Variants in EDN1 observed in about 807,000 individuals in gnomAD.
EDN1 encodes endothelin 1.
Under a neutral mutation model 21.7 loss-of-function variants are expected in EDN1, and 11 were observed. The observed-to-expected ratio is 0.51, with a 90% confidence interval of 0.32 to 0.84. EDN1 has a LOEUF of 0.84. Among genes scored for constraint, EDN1 ranks in the 40% least tolerant of loss-of-function variants. The probability of loss-of-function intolerance (pLI) is 0.03; values close to 1 mark genes in which losing one functional copy is unlikely to be tolerated. For synonymous variants in EDN1, 85 were observed against 90.6 expected, an observed-to-expected ratio of 0.94 and a Z score of 0.35; for missense variants, 244 against 262.3, an observed-to-expected ratio of 0.93 and a Z score of 0.48.
At chr6:12,246,805 G>A in the EDN1 span, among the ~76,000 whole-genome samples, 7 of 152,168 alleles carry the variant, frequency 4.6e-5, no homozygotes, top group African/African-American at 1.2e-4. Flanking sequence ...ACTCTCATCC[G>A]TTAGTCCAGT....
At chr6:12,258,449 C>CAAAAAAAAAAAAAAAA in the EDN1 span, among the ~76,000 whole-genome samples, 15 of 63,672 alleles carry the variant, frequency 2.4e-4, 4 homozygotes, top group African/African-American at 6.4e-4. Context: ...GATCATGTCT[C>CAAAAAAAAAAAAAAAA]AAAAAAAAAA....
At chr6:12,237,602 C>T in the EDN1 span, among the ~76,000 whole-genome samples, 1 of 152,164 alleles carries the variant, frequency 6.6e-6, no homozygotes, top group African/African-American at 2.4e-5. Flanking sequence ...TGTCTTTCCT[C>T]ATAATCTGCT....
the EDN1 span, among the ~76,000 whole-genome samples, chr6:12,281,373 C>T: frequency 2.0e-5 from 3 of 152,074 alleles, no homozygotes; most frequent in Non-Finnish European, 4.4e-5. Flanking sequence ...CTTTGTGTAG[C>T]TCTCTGTATA....
the EDN1 span, among the ~76,000 whole-genome samples, chr6:12,273,221 GC>G: frequency 5.9e-4 from 90 of 152,314 alleles, no homozygotes; most frequent in Non-Finnish European, 6.3e-4. Context: ...GAGAGTGGGG[GC>G]TAGGCCAGCA....
the EDN1 span, among the ~76,000 whole-genome samples, chr6:12,232,025 T>A: frequency 6.7e-6 from 1 of 150,140 alleles, no homozygotes; most frequent in African/African-American, 2.4e-5. Flanking sequence ...GTTGACATTT[T>A]CCTAAGAGAT....
chr6:12,241,624 T>C, the EDN1 span, among the ~76,000 whole-genome samples: 3 of 152,206 alleles, frequency 2.0e-5, no homozygotes, highest in African/African-American at 4.8e-5. Flanking sequence ...CCCATTGCTC[T>C]ATGGTAAGTG....
the EDN1 span, among the ~76,000 whole-genome samples, chr6:12,280,646 G>C: frequency 6.6e-6 from 1 of 152,170 alleles, no homozygotes; most frequent in South Asian, 2.1e-4. Context: ...TGTAATCCCA[G>C]CATTTTTGGA....
chr6:12,287,692 TCTCTCTCTCTCTCTCTCTCTCACACA>T (rs1762577337), upstream of EDN1, among the ~76,000 whole-genome samples: 1 of 66,840 alleles, frequency 1.5e-5, no homozygotes, highest in South Asian at 5.2e-4. Context: ...TCTCTCCCTC[TCTCTCTCTCTCTCTCTCTCTCACACA>T]CACACACACA....
At chr6:12,246,660 T>TTC in the EDN1 span, among the ~76,000 whole-genome samples, 8 of 115,044 alleles carry the variant, frequency 7.0e-5, no homozygotes, top group East Asian at 1.8e-3. Context: ...CCTTTTTTTT[T>TTC]CTCCCTCGAT....
chr6:12,275,387 C>CTGGTTACACATAT, the EDN1 span, among the ~76,000 whole-genome samples: 1 of 152,158 alleles, frequency 6.6e-6, no homozygotes, highest in Non-Finnish European at 1.5e-5. Flanking sequence ...GAGGCTTGGC[C>CTGGTTACACATAT]TGGTTACACA....
At chr6:12,274,791 G>T in the EDN1 span, among the ~76,000 whole-genome samples, 1 of 152,242 alleles carries the variant, frequency 6.6e-6, no homozygotes, top group African/African-American at 2.4e-5. Context: ...TAGCTAGCAA[G>T]TGTCAGATGT....
chr6:12,265,913 C>A, the EDN1 span, among the ~76,000 whole-genome samples: 1 of 152,202 alleles, frequency 6.6e-6, no homozygotes, highest in Non-Finnish European at 1.5e-5. Context: ...TGGTGCAAGG[C>A]TACCCTGGTT....
the EDN1 span, among the ~76,000 whole-genome samples, chr6:12,247,856 T>C: frequency 6.6e-6 from 1 of 152,098 alleles, no homozygotes; most frequent in African/African-American, 2.4e-5. Flanking sequence ...ATGATTTCTA[T>C]TTACATCCTT....
At chr6:12,232,156 TTATAA>T in the EDN1 span, among the ~76,000 whole-genome samples, 11 of 134,016 alleles carry the variant, frequency 8.2e-5, no homozygotes, top group Admixed American at 2.3e-4. Flanking sequence ...GTGTTTATAT[TTATAA>T]TATAATATAA....
chr6:12,290,944 T>G (rs10478698), intron 1 of EDN1, among the ~76,000 whole-genome samples: 3,723 of 152,286 alleles, frequency 0.024, 84 homozygotes, highest in East Asian at 0.11. Context: ...TTATTATTAT[T>G]ATTCCATTAT....
upstream of EDN1, among the ~76,000 whole-genome samples, chr6:12,289,444 G>GT (rs1247960632): frequency 1.3e-5 from 2 of 151,952 alleles, no homozygotes; most frequent in Non-Finnish European, 2.9e-5. Flanking sequence ...GCCAGGTTGC[G>GT]TTTTTTTCTG....
chr6:12,252,334 G>T, the EDN1 span, among the ~76,000 whole-genome samples: 1 of 152,120 alleles, frequency 6.6e-6, no homozygotes, highest in Non-Finnish European at 1.5e-5. Flanking sequence ...ATAAAGAAAA[G>T]AACAAAACTG....
chr6:12,280,339 T>G, the EDN1 span, among the ~76,000 whole-genome samples: 3 of 152,232 alleles, frequency 2.0e-5, no homozygotes, highest in Non-Finnish European at 4.4e-5. Flanking sequence ...AAAGAAAATT[T>G]CTTCCTGTAT....
Position 12,296,500 on chromosome 6 carries a change from C to A in EDN1, c.*433C>A. 1 of 159,322 alleles carries A rather than the reference C, an allele frequency of 6.3e-6. No homozygotes were observed. The highest frequency in any genetic ancestry group is 1.4e-5 in the Non-Finnish European group (1 of 71,820). The allele number at this position is 159,322 out of a possible 1,614,324, so 9.9% of individuals were successfully genotyped here. On this transcript the variant is annotated 3_prime_UTR_variant, in exon 5 of 5. Coordinates refer to ENST00000379375, the MANE Select transcript of EDN1 (RefSeq NM_001955.5). ...CCACACAAAGATTTTCTAAGGAATG[C>A]ACAAATTGAAAACACACTCAAAAGA... is the stretch of plus-strand genomic sequence containing the variant.
Sources: allele counts gnomAD v4.1 joint callset (sites outside exome capture counted in the v4.1 genomes callset), GRCh38; gene constraint gnomAD v4.1.1; transcripts MANE v1.5; gene names NCBI Gene and HGNC (gene_info 2026-07-23, HGNC 2026-07-21).